Variants in SNRPD3 observed in about 807,000 individuals in gnomAD.
SNRPD3 encodes the protein small nuclear ribonucleoprotein D3 polypeptide.
For synonymous variants in SNRPD3, 66 were observed against 58.4 expected (o/e 1.13, Z -0.59); for missense variants, 73 against 167.5 (o/e 0.44, Z 3.11).
In SNRPD3 at chr22:24,574,380, A is replaced by C. The variant is rs552548692; in HGVS notation, c.*2403A>C. 1.3e-5 allele frequency among the ~76,000 whole-genome samples: 2 copies of C among 152,318 alleles called. No individual in the cohort carries two copies. The highest frequency in any genetic ancestry group is 3.9e-4 in the East Asian group (2 of 5,186). ...GGAAAATCAGTTGACGCAGATTGAA[A>C]ACAAGTTGTTCCATAAGGTTTATTA... On this transcript the variant is annotated 3_prime_UTR_variant, in exon 4 of 4. Transcript: ENST00000215829.
chr22:24,557,097 A>G (rs964378033), intron 1 of SNRPD3, among the ~76,000 whole-genome samples: 2 of 152,228 alleles, frequency 1.3e-5, no homozygotes, highest in African/African-American at 2.4e-5. Context: ...GCCACTAGCT[A>G]CATGTGGCCG....
At chr22:24,555,785 C>T (rs1022939107), upstream of SNRPD3, 7 of 1,549,762 alleles carry the variant, frequency 4.5e-6, no homozygotes, top group African/African-American at 1.4e-5. Flanking sequence ...GGCTCTTTGC[C>T]GGCCCCAAGG....
In SNRPD3 at chr22:24,574,912, T is replaced by A. The variant is rs559100025; in HGVS notation, c.*2935T>A. On this transcript the variant is annotated 3_prime_UTR_variant, in exon 4 of 4. Coordinates refer to ENST00000215829, the MANE Select transcript of SNRPD3 (RefSeq NM_004175.5). The stretch of plus-strand genomic sequence containing the variant: ...CTCACCCATCTCCCTGATATTGTAA[T>A]TCTGGTTAGATCATATTCAGTGTCA... 3.9e-5 allele frequency among the ~76,000 whole-genome samples: 6 copies of A among 152,324 alleles called. No individual in the cohort carries two copies. The South Asian group carries it at 1.2e-3, about 32-fold the overall frequency.
In SNRPD3 at chr22:24,574,198, T is replaced by C. The variant is rs2045270859; in HGVS notation, c.*2221T>C. ...CATCCTCGATATCAAAAGCGACTTT[T>C]GATGTAGTTCACTCTGGACCCGTAC... is the stretch of plus-strand genomic sequence containing the variant. On this transcript the variant is annotated 3_prime_UTR_variant, in exon 4 of 4. Coordinates refer to ENST00000215829, the MANE Select transcript of SNRPD3 (RefSeq NM_004175.5). Among the ~76,000 whole-genome samples the C allele has an allele frequency of 6.6e-6, 1 of 152,218 alleles. No homozygotes were observed. The highest frequency in any genetic ancestry group is 2.4e-5 in the African/African-American group (1 of 41,432).
intron 3 of SNRPD3, among the ~76,000 whole-genome samples, 183 bp from the exon 4 acceptor site, chr22:24,571,733 G>A (rs1302770142): frequency 6.6e-6 from 1 of 150,778 alleles, no homozygotes; most frequent in African/African-American, 2.4e-5. Context: ...GACAGAGTGG[G>A]ACTCCGTCTC....
At chr22:24,561,074 T>TTC (rs2045138667) in intron 2 of SNRPD3, among the ~76,000 whole-genome samples, 1 of 128,730 alleles carries the variant, frequency 7.8e-6, no homozygotes, top group African/African-American at 3.0e-5. Context: ...CTTTTTTTTT[T>TTC]TTTTTTTTTT....
At chr22:24,555,824 A>C (rs367997605), upstream of SNRPD3, 5 of 1,545,900 alleles carry the variant, frequency 3.2e-6, no homozygotes, top group Non-Finnish European at 4.4e-6. Flanking sequence ...GGGCCCAGTC[A>C]TCAGCCCTCT....
chr22:24,564,617 A>T (rs530311419), intron 2 of SNRPD3, among the ~76,000 whole-genome samples: 1 of 152,352 alleles, frequency 6.6e-6, no homozygotes, highest in African/African-American at 2.4e-5. Flanking sequence ...TGTTAGGGTT[A>T]AAATAGGAGT....
chr22:24,564,327 C>G (rs1019430577), intron 2 of SNRPD3, among the ~76,000 whole-genome samples: 1 of 152,204 alleles, frequency 6.6e-6, no homozygotes, highest in Non-Finnish European at 1.5e-5. Context: ...GATTCTCTCT[C>G]TCCCCCTCAG....
intron 1 of SNRPD3, among the ~76,000 whole-genome samples, 183 bp downstream of exon 1, chr22:24,556,254 C>T (rs893049411): frequency 2.6e-5 from 4 of 152,182 alleles, no homozygotes; most frequent in Non-Finnish European, 5.9e-5. Context: ...TTCCCCTCAA[C>T]GTGCATGCTT....
chr22:24,573,746 C>T lies in SNRPD3; in HGVS notation c.*1769C>T, dbSNP rs1030413839. 1.3e-5 allele frequency among the ~76,000 whole-genome samples: 2 copies of T among 152,220 alleles called. No individual in the cohort carries two copies. Among genetic ancestry groups the T allele is most frequent in the African/African-American group, 2.4e-5 (1 of 41,442 alleles). ...CAAAAAATTGAAAAGTAGCTGGGCACAGCTGATGCCTGCAGTCCCAGCTAT... is the reference window on the plus strand; with the variant it reads ...CAAAAAATTGAAAAGTAGCTGGGCATAGCTGATGCCTGCAGTCCCAGCTAT... On this transcript the variant is annotated 3_prime_UTR_variant, in exon 4 of 4. Transcript: ENST00000215829.
At chr22:24,565,097 C>A (rs1185038017) in intron 2 of SNRPD3, among the ~76,000 whole-genome samples, 17 of 152,060 alleles carry the variant, frequency 1.1e-4, no homozygotes, top group African/African-American at 4.1e-4. Context: ...ATTTCCCAGG[C>A]TGGTCTCAAA....
chr22:24,555,996 G>C (rs1382380077), upstream of SNRPD3: 1 of 679,318 alleles, frequency 1.5e-6, no homozygotes, highest in Non-Finnish European at 2.5e-6. Context: ...TGTTAGGCCC[G>C]CCATTCGCTT....
chr22:24,556,015 C>A lies in SNRPD3; in HGVS notation c.-75C>A. 1 of 636,890 alleles carries A rather than the reference C, an allele frequency of 1.6e-6. No individual in the cohort carries two copies. The highest frequency in any genetic ancestry group is 2.8e-5 in the Admixed American group (1 of 35,090). 39.5% of individuals were successfully genotyped at this position (636,890 alleles called of 1,614,324 possible). A position where few individuals can be genotyped will look rare whatever the true frequency, so the allele number is the denominator to read the frequency against. ...AGGCCCGCCATTCGCTTGACTCACG[C>A]CTTCGCCGTAGCATCTTTCGCAGCG... On this transcript the variant is annotated 5_prime_UTR_variant, in exon 1 of 4. Transcript: ENST00000215829.
chr22:24,563,391 G>C (rs2045167015), intron 2 of SNRPD3, among the ~76,000 whole-genome samples: 2 of 151,712 alleles, frequency 1.3e-5, no homozygotes, highest in African/African-American at 4.8e-5. Context: ...CGGGTCAGAG[G>C]GTGTGCATCT....
At chr22:24,564,638 T>C (rs867939123) in intron 2 of SNRPD3, among the ~76,000 whole-genome samples, 1 of 152,194 alleles carries the variant, frequency 6.6e-6, no homozygotes, top group African/African-American at 2.4e-5. Flanking sequence ...CAGAGGACAC[T>C]GGACTCTCCT....
At chr22:24,565,396 T>C (rs1434885738) in intron 2 of SNRPD3, among the ~76,000 whole-genome samples, 1 of 152,168 alleles carries the variant, frequency 6.6e-6, no homozygotes. Context: ...TGGGGTAACA[T>C]GAGCTGCCGT....
rs62231175 is a variant in SNRPD3 at position 24,560,710 on chromosome 22, C to G, written c.126+2910C>G. Among the ~76,000 whole-genome samples, 978 of 124,720 alleles carry G rather than the reference C, an allele frequency of 7.8e-3. 13 individuals carry two copies. Among genetic ancestry groups the G allele is most frequent in the South Asian group, 0.014 (54 of 3,822 alleles). 81.8% of individuals were successfully genotyped at this position (124,720 alleles called of 152,430 possible). A position where few individuals can be genotyped will look rare whatever the true frequency, so the allele number is the denominator to read the frequency against. On this transcript the variant is annotated intron_variant, in intron 2 of 3. Coordinates refer to ENST00000215829, the MANE Select transcript of SNRPD3 (RefSeq NM_004175.5). ...GGATTACAGGCGTGAGCCACTGCAC[C>G]TGGCCTTTTTTTTTTTTTTTTTTTT...
chr22:24,572,762 A>G lies in SNRPD3; in HGVS notation c.*785A>G, dbSNP rs78631223. ...GGTGACAGAGCGAGACTGCACCTCA[A>G]AAAAAAAAAAGTAATTCAGGGGATC... On this transcript the variant is annotated 3_prime_UTR_variant, in exon 4 of 4. Coordinates refer to ENST00000215829, the MANE Select transcript of SNRPD3 (RefSeq NM_004175.5). The G allele has an allele frequency of 6.7e-6, 1 of 148,430 alleles. No homozygotes were observed. The highest frequency in any genetic ancestry group is 2.5e-5 in the African/African-American group (1 of 40,714). 9.2% of individuals were successfully genotyped at this position (148,430 alleles called of 1,614,324 possible). A position where few individuals can be genotyped will look rare whatever the true frequency, so the allele number is the denominator to read the frequency against.
Sources: allele counts gnomAD v4.1 joint callset (sites outside exome capture counted in the v4.1 genomes callset), GRCh38; gene constraint gnomAD v4.1.1; transcripts MANE v1.5; gene names NCBI Gene and HGNC (gene_info 2026-07-23, HGNC 2026-07-21).